STAG1: variants seen among roughly 807,000 people sequenced by gnomAD.
STAG1 encodes cohesin subunit SA-1.
In STAG1, 26 loss-of-function variants were observed where a neutral mutation model predicts 170.9. The ratio of observed to expected loss-of-function variants is 0.15; its 90% CI spans 0.11 to 0.21. The LOEUF (loss-of-function observed/expected upper bound fraction) is 0.21. Ranked by LOEUF, STAG1 falls within the 10% of genes least tolerant of loss-of-function variation. The probability of loss-of-function intolerance (pLI) is 1.00; values close to 1 mark genes in which losing one functional copy is unlikely to be tolerated. For synonymous variants in STAG1, 514 were observed against 497.7 expected (o/e 1.03, Z -0.44); for missense variants, 964 against 1,509.5 (o/e 0.64, Z 5.99).
intron 14 of STAG1, among the ~76,000 whole-genome samples, chr3:136,446,782 C>T (rs1311677933): frequency 6.6e-6 from 1 of 151,146 alleles, no homozygotes; most frequent in Non-Finnish European, 1.5e-5. Flanking sequence ...ATTTCTTAAT[C>T]TATACTGTAC....
rs1576707191 is a variant in STAG1, at chr3:136,644,209, A to C, written c.-83-13228T>G. Among the ~76,000 whole-genome samples the C allele has an allele frequency of 4.6e-5, 7 of 152,208 alleles. No homozygotes were observed. In the South Asian group the frequency reaches 1.4e-3, roughly 32 times the overall value. On this transcript the variant is annotated intron_variant, in intron 1 of 33. Coordinates refer to ENST00000383202, the MANE Select transcript of STAG1 (RefSeq NM_005862.3). ...TATGCTTCACTACTATAAGAAAATT[A>C]ATTTCTAGGTGGTGAAAAACTTTGA...
At chr3:136,570,371 T>C (rs992323088) in intron 4 of STAG1, among the ~76,000 whole-genome samples, 2 of 152,232 alleles carry the variant, frequency 1.3e-5, no homozygotes, top group African/African-American at 2.4e-5. Context: ...TGTGTATTAG[T>C]AATGCCTTTT....
chr3:136,706,665 C>A (rs948023160), intron 1 of STAG1, among the ~76,000 whole-genome samples: 11 of 152,074 alleles, frequency 7.2e-5, no homozygotes, highest in Non-Finnish European at 1.6e-4. Flanking sequence ...TTCGGTGCAA[C>A]CCCTATAAAA....
intron 1 of STAG1, among the ~76,000 whole-genome samples, chr3:136,651,465 A>C (rs1941214983): frequency 6.6e-6 from 1 of 152,006 alleles, no homozygotes; most frequent in Non-Finnish European, 1.5e-5. Flanking sequence ...ACTAACTTGT[A>C]AATATTAAAA....
At chr3:136,593,626 G>C (rs772187238) in intron 4 of STAG1, among the ~76,000 whole-genome samples, 6 of 152,140 alleles carry the variant, frequency 3.9e-5, no homozygotes, top group Non-Finnish European at 7.3e-5. Flanking sequence ...ACGTATCTAT[G>C]ATCTTTTACA....
rs146167531 is a variant in STAG1, at chr3:136,621,841, G to T, written c.132+1305C>A. The stretch of plus-strand genomic sequence containing the variant: ...TGGTTAAGCAACATAACCATCAGTT[G>T]CAGGGGGTGGATCATTCCTGTGTCA... On this transcript the variant is annotated intron_variant, in intron 3 of 33. Transcript: ENST00000383202. Among the ~76,000 whole-genome samples the T allele has an allele frequency of 9.8e-4, 149 of 152,144 alleles. 1 individual carries two copies. The highest frequency in any genetic ancestry group is 3.5e-3 in the African/African-American group (146 of 41,514).
intron 1 of STAG1, among the ~76,000 whole-genome samples, chr3:136,730,529 T>A (rs928898247): frequency 6.6e-6 from 1 of 152,354 alleles, no homozygotes; most frequent in East Asian, 1.9e-4. Context: ...TTAATTATTA[T>A]GCATGTAAGC....
intron 1 of STAG1, among the ~76,000 whole-genome samples, chr3:136,745,174 A>G (rs183076876): frequency 2.6e-5 from 4 of 152,366 alleles, no homozygotes; most frequent in Admixed American, 2.0e-4. Flanking sequence ...TTACAGCAAA[A>G]TTCCATTGAA....
chr3:136,557,280 C>T (rs1936660627), intron 5 of STAG1, among the ~76,000 whole-genome samples: 1 of 152,002 alleles, frequency 6.6e-6, no homozygotes, highest in African/African-American at 2.4e-5. Flanking sequence ...ATCTAAGAGA[C>T]CAATTAGCAG....
chr3:136,379,222 C>A (rs536135003), intron 22 of STAG1, among the ~76,000 whole-genome samples: 29 of 152,242 alleles, frequency 1.9e-4, no homozygotes, highest in African/African-American at 6.7e-4. Flanking sequence ...GATAAGAGAA[C>A]AGGCAACTGC....
chr3:136,476,344 G>T (rs2089749010), intron 10 of STAG1, among the ~76,000 whole-genome samples: 2 of 152,242 alleles, frequency 1.3e-5, no homozygotes, highest in South Asian at 4.1e-4. Flanking sequence ...AGAGCAGAGA[G>T]AACAAAGCTT....
chr3:136,700,876 CTTTTTTTTTTTTT>C (rs35459362), intron 1 of STAG1, among the ~76,000 whole-genome samples: 9 of 78,340 alleles, frequency 1.1e-4, no homozygotes, highest in South Asian at 4.8e-4. Context: ...TATTTTTTTT[CTTTTTTTTTTTTT>C]TTTTTTTTTT....
At chr3:136,585,708 C>T (rs780207994) in intron 4 of STAG1, among the ~76,000 whole-genome samples, 2 of 152,066 alleles carry the variant, frequency 1.3e-5, no homozygotes, top group Non-Finnish European at 2.9e-5. Context: ...GCACTGACTC[C>T]AGATTAAGAA....
chr3:136,499,508 A>T (rs1933350587), intron 9 of STAG1, among the ~76,000 whole-genome samples: 2 of 152,218 alleles, frequency 1.3e-5, no homozygotes, highest in African/African-American at 4.8e-5. Flanking sequence ...GTCTGAAAAC[A>T]GTGCTTCTAT....
rs375406132 is a variant in STAG1, at chr3:136,523,965, G to C, written c.472-2548C>G. Among the ~76,000 whole-genome samples the C allele has an allele frequency of 2.7e-5, 4 of 146,822 alleles. No individual in the cohort carries two copies. The Admixed American group carries it at 2.8e-4, about 10-fold the overall frequency. On this transcript the variant is annotated intron_variant, in intron 6 of 33. Coordinates refer to ENST00000383202, the MANE Select transcript of STAG1 (RefSeq NM_005862.3). ...TTCCATAGGTCTACATCTCTGTTTTGGTACCAGTGCCATGCTGTTTTGGTT... is the reference window on the plus strand; with the variant it reads ...TTCCATAGGTCTACATCTCTGTTTTCGTACCAGTGCCATGCTGTTTTGGTT...
chr3:136,664,762 G>A (rs1330495895), intron 1 of STAG1, among the ~76,000 whole-genome samples: 1 of 152,112 alleles, frequency 6.6e-6, no homozygotes, highest in East Asian at 1.9e-4. Flanking sequence ...ACAGCCAAGA[G>A]AAAGACCTGT....
At chr3:136,646,146 T>C (rs1397888988) in intron 1 of STAG1, among the ~76,000 whole-genome samples, 2 of 150,422 alleles carry the variant, frequency 1.3e-5, no homozygotes, top group Non-Finnish European at 3.0e-5. Context: ...GTGTCTCTTC[T>C]TCATCTCATT....
chr3:136,419,543 C>G (rs1333412085), intron 20 of STAG1, among the ~76,000 whole-genome samples: 2 of 151,576 alleles, frequency 1.3e-5, no homozygotes, highest in African/African-American at 4.8e-5. Flanking sequence ...CTCCTGGGTT[C>G]AAGCGATTCT....
At chr3:136,493,321 T>G (rs1482109064) in intron 9 of STAG1, among the ~76,000 whole-genome samples, 1 of 151,932 alleles carries the variant, frequency 6.6e-6, no homozygotes, top group Non-Finnish European at 1.5e-5. Flanking sequence ...CCCACCTGGG[T>G]GACAGAGTAA....
Sources: gnomAD v4.1 joint callset for allele counts (sites outside exome capture counted in the v4.1 genomes callset) on GRCh38, gnomAD v4.1.1 for gene constraint, MANE v1.5 for transcripts, NCBI Gene and HGNC (gene_info 2026-07-23, HGNC 2026-07-21) for gene names.